MBNL2: variants seen among roughly 807,000 people sequenced by gnomAD.
The protein encoded by MBNL2 is muscleblind-like protein 2.
Under a neutral mutation model 41.9 loss-of-function variants are expected in MBNL2, and 17 were observed. That is an observed-to-expected ratio of 0.41 (90% CI 0.28 to 0.61). The LOEUF is 0.61. Among genes scored for constraint, MBNL2 ranks in the 20% least tolerant of loss-of-function variants. MBNL2 has a pLI of 0.35. For missense variants in MBNL2, 336 were observed against 505.6 expected (o/e 0.66, Z 3.22); for synonymous variants, 195 against 182.9 (o/e 1.07, Z -0.53).
chr13:97,211,065 A>G, the MBNL2 span, among the ~76,000 whole-genome samples: 5 of 152,182 alleles, frequency 3.3e-5, no homozygotes, highest in Admixed American at 6.5e-5. Flanking sequence ...CTGACACCCT[A>G]TGAGAATCCT....
the MBNL2 span, among the ~76,000 whole-genome samples, chr13:97,153,501 T>G: frequency 6.6e-6 from 1 of 152,146 alleles, no homozygotes; most frequent in African/African-American, 2.4e-5. Flanking sequence ...GAGAAAAGAT[T>G]GTTGGGATTT....
chr13:97,326,487 A>C (rs1436679031), intron 2 of MBNL2, among the ~76,000 whole-genome samples: 1 of 152,262 alleles, frequency 6.6e-6, no homozygotes, highest in East Asian at 1.9e-4. Context: ...TAGACTGTTA[A>C]GGATAAATTG....
At chr13:97,273,086 A>G (rs1193711520) in intron 1 of MBNL2, among the ~76,000 whole-genome samples, 1 of 152,218 alleles carries the variant, frequency 6.6e-6, no homozygotes, top group Non-Finnish European at 1.5e-5. Context: ...CATCTATGCA[A>G]CAGTACCTAT....
At chr13:97,289,356 C>T (rs1467600888) in intron 2 of MBNL2, among the ~76,000 whole-genome samples, 1 of 152,192 alleles carries the variant, frequency 6.6e-6, no homozygotes, top group Non-Finnish European at 1.5e-5. Context: ...TAATCATTTG[C>T]ATACCTGCCA....
rs57849294 is a variant in MBNL2, at chr13:97,268,073, TTTCCTTCCTTCCTTCC to T, written c.-604-7544_-604-7529del. 2.0e-5 allele frequency among the ~76,000 whole-genome samples: 3 copies of T among 147,838 alleles called. No individual in the cohort carries two copies. The highest frequency in any genetic ancestry group is 6.7e-5 in the Admixed American group (1 of 14,886). On this transcript the variant is annotated intron_variant, in intron 1 of 8. Coordinates refer to ENST00000679496, the MANE Select transcript of MBNL2 (RefSeq NM_001382683.1). The surrounding 1 kb of genome is among the most constrained non-coding windows in gnomAD (Gnocchi z 4.6). ...CCTAAGAGTGTGCTTTTCTTTTTTC[TTTCCTTCCTTCCTTCC>T]TTCCTTCCTTCCTTTCTTTCTTTTG...
intron 6 of MBNL2, 74 bp from the exon 7 acceptor site, chr13:97,357,408 T>C: frequency 1.6e-6 from 2 of 1,258,718 alleles, no homozygotes; most frequent in Non-Finnish European, 2.3e-6. Context: ...AATGTTGCAA[T>C]TGATGATCTC....
the MBNL2 span, among the ~76,000 whole-genome samples, chr13:97,213,223 A>C: frequency 6.6e-6 from 1 of 152,320 alleles, no homozygotes; most frequent in South Asian, 2.1e-4. Flanking sequence ...AAGATCTAGA[A>C]GCTATGGTTG....
chr13:97,153,274 A>T, the MBNL2 span, among the ~76,000 whole-genome samples: 96 of 152,060 alleles, frequency 6.3e-4, no homozygotes, highest in Non-Finnish European at 1.3e-3. Context: ...ATGTAGAAAG[A>T]ATGTGGAAAG....
At chr13:97,173,398 A>G in the MBNL2 span, among the ~76,000 whole-genome samples, 2 of 152,246 alleles carry the variant, frequency 1.3e-5, no homozygotes, top group African/African-American at 4.8e-5. Context: ...TGTGGTTCCC[A>G]CTATGCAGGA....
At chr13:97,205,063 C>T in the MBNL2 span, among the ~76,000 whole-genome samples, 5 of 151,196 alleles carry the variant, frequency 3.3e-5, no homozygotes, top group Admixed American at 6.6e-5. Flanking sequence ...TCCAACTACT[C>T]GGGAGGCTGA....
chr13:97,197,782 A>T, the MBNL2 span, among the ~76,000 whole-genome samples: 1 of 152,220 alleles, frequency 6.6e-6, no homozygotes, highest in Non-Finnish European at 1.5e-5. Flanking sequence ...TTGGGATCCA[A>T]TTAAACAGTT....
At chr13:97,243,414 G>T (rs2152817299) in intron 1 of MBNL2, among the ~76,000 whole-genome samples, 1 of 152,270 alleles carries the variant, frequency 6.6e-6, no homozygotes, top group Non-Finnish European at 1.5e-5. Context: ...AGCAAGGTCA[G>T]CCTCAAGGAG....
At chr13:97,156,886 T>C in the MBNL2 span, among the ~76,000 whole-genome samples, 1 of 152,196 alleles carries the variant, frequency 6.6e-6, no homozygotes, top group African/African-American at 2.4e-5. Flanking sequence ...CGGGCTCTTT[T>C]GGTTCCATAT....
chr13:97,310,141 C>T (rs895164081), intron 2 of MBNL2, among the ~76,000 whole-genome samples: 12 of 152,144 alleles, frequency 7.9e-5, no homozygotes, highest in African/African-American at 2.9e-4. Flanking sequence ...ATGCTGCCTT[C>T]AGGGTTCTGA....
rs530525674 is a variant in MBNL2, at chr13:97,290,538, C to T, written c.174+14129C>T. 3.5e-4 allele frequency among the ~76,000 whole-genome samples: 53 copies of T among 152,006 alleles called. No individual in the cohort carries two copies. The South Asian group carries it at 9.7e-3, about 28-fold the overall frequency. On this transcript the variant is annotated intron_variant, in intron 2 of 8. Coordinates refer to ENST00000679496, the MANE Select transcript of MBNL2 (RefSeq NM_001382683.1). The stretch of plus-strand genomic sequence containing the variant: ...AAAAATACAAAAAATTAGCCGGGCG[C>T]GGTGGCGGGCGCCTGTAGTCCCAGC...
the MBNL2 span, among the ~76,000 whole-genome samples, chr13:97,207,162 A>T: frequency 6.6e-6 from 1 of 152,150 alleles, no homozygotes; most frequent in African/African-American, 2.4e-5. Flanking sequence ...TGTGCTACAC[A>T]CTCTATGATG....
At chr13:97,146,738 A>T in the MBNL2 span, among the ~76,000 whole-genome samples, 32 of 152,182 alleles carry the variant, frequency 2.1e-4, no homozygotes, top group Admixed American at 6.5e-4. Context: ...GCTATCTGGG[A>T]TGCTCAGGAT....
intron 7 of MBNL2, among the ~76,000 whole-genome samples, chr13:97,361,627 G>T (rs1449096853): frequency 6.6e-6 from 1 of 152,072 alleles, no homozygotes; most frequent in Non-Finnish European, 1.5e-5. Flanking sequence ...TCCTAGCCCA[G>T]TGTGGCTACA....
At chr13:97,221,996 G>T (rs894599021), upstream of MBNL2, among the ~76,000 whole-genome samples, 2 of 152,192 alleles carry the variant, frequency 1.3e-5, no homozygotes, top group African/African-American at 4.8e-5. Flanking sequence ...TTTGGAATCT[G>T]CGGAGTTTCA....
Sources: allele counts gnomAD v4.1 joint callset (sites outside exome capture counted in the v4.1 genomes callset), GRCh38; gene constraint gnomAD v4.1.1; non-coding constraint Gnocchi (gnomAD v3.1); transcripts MANE v1.5; gene names NCBI Gene and HGNC (gene_info 2026-07-23, HGNC 2026-07-21).